The following GALNT6 variants were observed in gnomAD, a reference collection of about 807,000 sequenced individuals.
The protein encoded by GALNT6 is GalNAc transferase 6.
GALNT6 carries 51 observed loss-of-function variants against 65.9 expected under a neutral mutation model. The ratio of observed to expected loss-of-function variants is 0.77; its 90% confidence interval spans 0.62 to 0.98. The LOEUF (loss-of-function observed/expected upper bound fraction) is 0.98. Ranked by LOEUF, GALNT6 falls within the 50% of genes least tolerant of loss-of-function variation. The pLI is 0.00. For synonymous variants in GALNT6, 323 were observed against 315.1 expected, an observed-to-expected ratio of 1.02 and a Z score of -0.26; for missense variants, 708 against 803.3, an observed-to-expected ratio of 0.88 and a Z score of 1.43.
intron 3 of GALNT6, among the ~76,000 whole-genome samples, chr12:51,378,890 C>A (rs12307648): frequency 4.8e-5 from 7 of 144,918 alleles, no homozygotes; most frequent in Admixed American, 1.4e-4. Context: ...CCACCCCCCC[C>A]CCAAACAGCT....
chr12:51,383,646 T>G (rs1947741309), intron 2 of GALNT6: 1 of 152,260 alleles, frequency 6.6e-6, no homozygotes, highest in Non-Finnish European at 1.5e-5. Flanking sequence ...CAATCCCATC[T>G]GGCTGCCTGA....
At position 51,357,412 on chromosome 12, in the gene GALNT6, A is replaced by C; in HGVS notation, c.1539T>G (p.Gly513=). The C allele has an allele frequency of 1.2e-6, 2 of 1,614,084 alleles. No homozygotes were observed. The highest frequency in any genetic ancestry group is 1.7e-6 in the Non-Finnish European group (2 of 1,179,934). ...NLGTNQCLDV[G]ENNRGGKPLI... is the part of the protein sequence containing the mutation. ...GGGGCTTCCCCCCGCGGTTGTTCTC[A>C]CCCACATCCAGGCATTGGTTGGTGC... Residue 513 remains glycine, a synonymous_variant, in exon 10 of 12, where the codon GGT becomes GGG. Coordinates refer to ENST00000356317, the MANE Select transcript of GALNT6 (RefSeq NM_007210.4).
chr12:51,380,538 T>C (rs1947630125), intron 2 of GALNT6, among the ~76,000 whole-genome samples: 1 of 152,218 alleles, frequency 6.6e-6, no homozygotes, highest in African/African-American at 2.4e-5. Flanking sequence ...AATTAAACAA[T>C]ATCTTGTTCT....
intron 2 of GALNT6, among the ~76,000 whole-genome samples, chr12:51,385,000 T>C (rs988562924): frequency 2.0e-5 from 3 of 152,230 alleles, no homozygotes. Context: ...TTCTTTCTTT[T>C]TTTTTGGAGA....
intron 2 of GALNT6, among the ~76,000 whole-genome samples, chr12:51,388,341 T>C (rs143883134): frequency 1.2e-3 from 181 of 152,352 alleles, no homozygotes; most frequent in Non-Finnish European, 2.0e-3. Context: ...CCTTGAGCAC[T>C]GTTTGACTGT....
chr12:51,377,264 T>A lies in GALNT6; in HGVS notation c.595A>T (p.Ser199Cys), dbSNP rs1386572621. 1.9e-6 allele frequency: 3 copies of A among 1,613,852 alleles called. No homozygotes were observed. The highest frequency in any genetic ancestry group is 2.5e-6 in the Non-Finnish European group (3 of 1,180,006). The change falls in exon 4 of 12, where the codon AGC becomes TGC. Residue 199 changes from serine to cysteine, a missense_variant. Ser to Cys is a moderately radical substitution (Grantham distance 112, BLOSUM62 -1). Coordinates refer to ENST00000356317, the MANE Select transcript of GALNT6 (RefSeq NM_007210.4). ...ATGGCAGGGGTGGTGTGTAGGACGC[T>A]GTACACTGTTCGCAGCAGTGTGGAC... ...AWSTLLRTVY[S>C]VLHTTPAILL...
At chr12:51,360,629 G>A in intron 7 of GALNT6, 92 bp downstream of exon 7, 1 of 766,364 alleles carries the variant, frequency 1.3e-6, no homozygotes, top group African/African-American at 1.7e-5. Context: ...GTTCCAGATG[G>A]GATGTCCCTG....
intron 2 of GALNT6, among the ~76,000 whole-genome samples, chr12:51,388,286 G>A (rs12316391): frequency 4.0e-4 from 61 of 152,076 alleles, no homozygotes; most frequent in Non-Finnish European, 7.6e-4. Flanking sequence ...CCTTTGCCTC[G>A]GGCCCCTCTC....
chr12:51,386,461 T>C (rs1205754104), intron 2 of GALNT6, among the ~76,000 whole-genome samples: 1 of 152,244 alleles, frequency 6.6e-6, no homozygotes, highest in Non-Finnish European at 1.5e-5. Context: ...CAGCCTTAGC[T>C]TTTGTGAATG....
In GALNT6 at chr12:51,379,799, C is replaced by T. The variant is rs373654633; in HGVS notation, c.-18G>A. 2.5e-6 allele frequency: 4 copies of T among 1,589,552 alleles called. No homozygotes were observed. Among genetic ancestry groups the T allele is most frequent in the South Asian group, 1.1e-5 (1 of 89,814 alleles). On this transcript the variant is annotated 5_prime_UTR_variant, in exon 3 of 12. Transcript: ENST00000356317. ...AGCCTCATCCTCCAGAACCAAGGGG[C>T]ACCCCAGCTGCGTCAGCTCTGAGTC...
rs756387685 is a variant in GALNT6 at position 51,359,215 on chromosome 12, C to T, written c.1285G>A (p.Val429Met). 3 of 1,614,088 alleles carry T rather than the reference C, an allele frequency of 1.9e-6. No homozygotes were observed. Among genetic ancestry groups the T allele is most frequent in the Non-Finnish European group, 2.5e-6 (3 of 1,180,032 alleles). ...TCCATCCAGACCTCTGCCAGGCGCA[C>T]TTGATTGCGAGCAATGACACTAGTG... ...KGTSVIARNQ[V>M]RLAEVWMDSY... Residue 429 changes from valine to methionine, a missense_variant, in exon 8 of 12, where the codon GTG (valine) becomes ATG (methionine). Physicochemically the swap from Val to Met is conservative, Grantham distance 21. Transcript: ENST00000356317.
In GALNT6 at chr12:51,379,636, C is replaced by T. The variant is rs202061088; in HGVS notation, c.146G>A (p.Arg49Gln). The T allele has an allele frequency of 3.0e-5, 48 of 1,614,026 alleles. No individual in the cohort carries two copies. The highest frequency in any genetic ancestry group is 2.3e-4 in the African/African-American group (17 of 75,058). Residue 49 changes from arginine to glutamine, a missense_variant, in exon 3 of 12, where the codon CGG (arginine) becomes CAG (glutamine). By Grantham distance (43) the Arg-to-Gln change is conservative (BLOSUM62 1). Transcript: ENST00000356317. ...EKPWLKSLVS[R>Q]KDHVLDLMLE... ...CATGAGGTCCAGGACGTGATCCTTC[C>T]GGCTCACCAGGGACTTCAGCCACGG...
At position 51,371,054 on chromosome 12, in the gene GALNT6, A is replaced by AATT. The variant is rs66469959; in HGVS notation, c.665-5478_665-5476dup. Among the ~76,000 whole-genome samples, 729 of 144,418 alleles carry AATT rather than the reference A, an allele frequency of 5.0e-3. 8 individuals carry two copies. The highest frequency in any genetic ancestry group is 0.017 in the African/African-American group (686 of 39,362). 94.7% of individuals were successfully genotyped at this position (144,418 alleles called of 152,430 possible). On this transcript the variant is annotated intron_variant, in intron 4 of 11. Transcript: ENST00000356317. ...ATTTGGTCCCGCTAGCCTTTTAAAA[A>AATT]ATTATTATTATTATTATTATTATTA... is the stretch of plus-strand genomic sequence containing the variant.
At chr12:51,368,715 C>T (rs1947192727) in intron 4 of GALNT6, among the ~76,000 whole-genome samples, 1 of 140,552 alleles carries the variant, frequency 7.1e-6, no homozygotes, top group Non-Finnish European at 1.6e-5. Context: ...CCACTTTTTC[C>T]TTCTTCAATC....
intron 4 of GALNT6, among the ~76,000 whole-genome samples, chr12:51,365,978 C>T (rs752029813): frequency 1.3e-5 from 2 of 152,128 alleles, no homozygotes; most frequent in Admixed American, 6.5e-5. Flanking sequence ...AGTGCAATGG[C>T]GTGATCTTGG....
intron 10 of GALNT6, among the ~76,000 whole-genome samples, chr12:51,357,136 C>T (rs1458597674): frequency 6.6e-6 from 1 of 152,198 alleles, no homozygotes; most frequent in African/African-American, 2.4e-5. Context: ...CCCTCCCTCC[C>T]ATCCCCTTCT....
At chr12:51,381,523 C>A (rs1836023603) in intron 2 of GALNT6, among the ~76,000 whole-genome samples, 1 of 152,106 alleles carries the variant, frequency 6.6e-6, no homozygotes, top group Admixed American at 6.5e-5. Flanking sequence ...TAGCACCTAC[C>A]TCCTAGGGTT....
In GALNT6 at chr12:51,355,796, A is replaced by G. The variant is rs1307326291; in HGVS notation, c.1755+10T>C. ...GTTCTTGATTCTGAGCTTTCTGGAC[A>G]CTGACTCACCTGGGCCAATTCCCAT... On this transcript the variant is annotated intron_variant, in intron 11 of 11. Coordinates refer to ENST00000356317, the MANE Select transcript of GALNT6 (RefSeq NM_007210.4). The G allele has an allele frequency of 1.2e-6, 2 of 1,611,512 alleles. No individual in the cohort carries two copies. The highest frequency in any genetic ancestry group is 3.3e-5 in the Admixed American group (2 of 59,906).
At chr12:51,357,712 T>TCCC (rs1946793740) in intron 9 of GALNT6, among the ~76,000 whole-genome samples, 1 of 151,966 alleles carries the variant, frequency 6.6e-6, no homozygotes, top group Non-Finnish European at 1.5e-5. Context: ...GGATGCCAGG[T>TCCC]CCCTGGAAGA....
Sources: allele counts gnomAD v4.1 joint callset (sites outside exome capture counted in the v4.1 genomes callset), GRCh38; gene constraint gnomAD v4.1.1; transcripts MANE v1.5; gene names NCBI Gene and HGNC (gene_info 2026-07-23, HGNC 2026-07-21).